Variants in TBX20 observed in about 807,000 individuals in gnomAD.
The protein encoded by TBX20 is T-box transcription factor 20.
Under a neutral mutation model 42.9 loss-of-function variants are expected in TBX20, and 8 were observed. That is an observed-to-expected ratio of 0.19 (90% CI 0.11 to 0.34). TBX20 has a LOEUF of 0.34. TBX20 is among the 10% of genes least tolerant of loss of function. The probability of loss-of-function intolerance (pLI) is 1.00; values close to 1 mark genes in which losing one functional copy is unlikely to be tolerated. For missense variants in TBX20, 411 were observed against 566.0 expected (o/e 0.73, Z 2.78); for synonymous variants, 198 against 222.8 (o/e 0.89, Z 0.99).
At chr7:35,225,395 A>AC (rs1789752608) in intron 6 of TBX20, among the ~76,000 whole-genome samples, 1 of 152,134 alleles carries the variant, frequency 6.6e-6, no homozygotes, top group African/African-American at 2.4e-5. Context: ...TTTTTAAATG[A>AC]TTTTTTTCAT....
chr7:35,212,200 T>C lies in TBX20; in HGVS notation c.891-7618A>G, dbSNP rs578223605. On this transcript the variant is annotated intron_variant, in intron 6 of 7. Coordinates refer to ENST00000408931, the MANE Select transcript of TBX20 (RefSeq NM_001077653.2). The stretch of plus-strand genomic sequence containing the variant: ...AATCTTTTCATCTGCAGTGTCTATC[T>C]GCCACTAATCCCATCCAGTATATTT... 2.6e-5 allele frequency among the ~76,000 whole-genome samples: 4 copies of C among 152,322 alleles called. No individual in the cohort carries two copies. In the East Asian group the frequency reaches 7.7e-4, roughly 29 times the overall value.
intron 4 of TBX20, among the ~76,000 whole-genome samples, chr7:35,243,680 T>C (rs1790124921): frequency 6.7e-6 from 1 of 149,194 alleles, no homozygotes; most frequent in African/African-American, 2.5e-5. Flanking sequence ...AAAAAAAATT[T>C]ATCAGTGGAA....
intron 6 of TBX20, among the ~76,000 whole-genome samples, chr7:35,208,875 C>T (rs1789448022): frequency 2.8e-5 from 4 of 143,038 alleles, no homozygotes; most frequent in South Asian, 2.3e-4. Context: ...TTTGTACATA[C>T]AATTTACTAG....
chr7:35,203,755 T>C (rs1181492991), intron 7 of TBX20, among the ~76,000 whole-genome samples: 1 of 152,182 alleles, frequency 6.6e-6, no homozygotes, highest in African/African-American at 2.4e-5. Flanking sequence ...GTAATACTAG[T>C]GGTTCACTTG....
intron 6 of TBX20, among the ~76,000 whole-genome samples, chr7:35,215,142 G>A (rs1789562567): frequency 1.3e-5 from 2 of 152,258 alleles, no homozygotes; most frequent in African/African-American, 4.8e-5. Flanking sequence ...TATTCATTTT[G>A]CCCTTGCTAG....
chr7:35,234,124 T>TA (rs1286190398), intron 5 of TBX20, among the ~76,000 whole-genome samples: 1 of 152,228 alleles, frequency 6.6e-6, no homozygotes, highest in Non-Finnish European at 1.5e-5. Context: ...ATATATCTGA[T>TA]AAAAAATTCA....
intron 6 of TBX20, among the ~76,000 whole-genome samples, chr7:35,210,447 G>C (rs1206741634): frequency 6.6e-6 from 1 of 152,030 alleles, no homozygotes; most frequent in Non-Finnish European, 1.5e-5. Context: ...AACATCAATT[G>C]GGTCAAGTTA....
chr7:35,211,955 G>T (rs1789504126), intron 6 of TBX20, among the ~76,000 whole-genome samples: 1 of 151,990 alleles, frequency 6.6e-6, no homozygotes, highest in Non-Finnish European at 1.5e-5. Flanking sequence ...TCTTTGGATT[G>T]TGTTTACAAT....
At chr7:35,215,447 GAATTTCTAAAATACTGT>G (rs1789568284) in intron 6 of TBX20, among the ~76,000 whole-genome samples, 1 of 152,142 alleles carries the variant, frequency 6.6e-6, no homozygotes, top group Non-Finnish European at 1.5e-5. Context: ...CCCACTGTGA[GAATTTCTAAAATACTGT>G]ACCCTGAAAA....
In TBX20 at chr7:35,244,937, C is replaced by T; in HGVS notation, c.654+12G>A. 1.3e-6 allele frequency: 2 copies of T among 1,598,242 alleles called. No individual in the cohort carries two copies. The highest frequency in any genetic ancestry group is 1.7e-6 in the Non-Finnish European group (2 of 1,165,616). On this transcript the variant is annotated intron_variant, in intron 4 of 7. Transcript: ENST00000408931. ...CTCAGGGAACCTGCACAGTCCAAGGCATGGTACTTACATGGCCATGTTGAT... is the reference window on the plus strand; with the variant it reads ...CTCAGGGAACCTGCACAGTCCAAGGTATGGTACTTACATGGCCATGTTGAT...
At chr7:35,248,638 A>G in intron 3 of TBX20, 39 bp downstream of exon 3, 7 of 1,607,804 alleles carry the variant, frequency 4.4e-6, no homozygotes, top group Non-Finnish European at 6.0e-6. Flanking sequence ...TGACAGATGC[A>G]CTAACAGTTT....
chr7:35,228,830 T>C (rs1324575484), intron 6 of TBX20, among the ~76,000 whole-genome samples: 1 of 152,170 alleles, frequency 6.6e-6, no homozygotes, highest in Non-Finnish European at 1.5e-5. Context: ...AGTAGGTATA[T>C]TACAAAGCAG....
intron 1 of TBX20, among the ~76,000 whole-genome samples, chr7:35,252,080 T>G (rs1790315782): frequency 6.6e-6 from 1 of 152,152 alleles, no homozygotes; most frequent in Non-Finnish European, 1.5e-5. Flanking sequence ...AAGGAAGCAA[T>G]GTTGAAATGA....
chr7:35,232,868 A>G (rs1380182895), intron 5 of TBX20, among the ~76,000 whole-genome samples: 1 of 152,108 alleles, frequency 6.6e-6, no homozygotes, highest in African/African-American at 2.4e-5. Context: ...ACTAAAAATA[A>G]AAAATTAGCC....
At chr7:35,223,936 A>G (rs1789725789) in intron 6 of TBX20, among the ~76,000 whole-genome samples, 1 of 152,238 alleles carries the variant, frequency 6.6e-6, no homozygotes, top group Non-Finnish European at 1.5e-5. Context: ...ATATTGCTGT[A>G]GTCCTATGGA....
At chr7:35,205,353 T>TA (rs3051595) in intron 6 of TBX20, among the ~76,000 whole-genome samples, 3,002 of 144,612 alleles carry the variant, frequency 0.021, 81 homozygotes, top group African/African-American at 0.069. Flanking sequence ...CTTCTGCTTT[T>TA]AAAAAAAAAA....
intron 6 of TBX20, among the ~76,000 whole-genome samples, chr7:35,222,346 T>C (rs564068060): frequency 6.6e-6 from 1 of 152,184 alleles, no homozygotes; most frequent in South Asian, 2.1e-4. Context: ...ACTTGATAAA[T>C]ATAACAAAAG....
chr7:35,208,985 A>G (rs965648217), intron 6 of TBX20, among the ~76,000 whole-genome samples: 3 of 152,056 alleles, frequency 2.0e-5, no homozygotes, highest in African/African-American at 7.2e-5. Context: ...ACAATCATAT[A>G]GTTTTGTTTT....
At chr7:35,248,303 G>A (rs1438082316) in intron 3 of TBX20, among the ~76,000 whole-genome samples, 2 of 152,116 alleles carry the variant, frequency 1.3e-5, no homozygotes, top group Non-Finnish European at 2.9e-5. Context: ...AGGATTTTAG[G>A]ACAACCATTT....
Sources: allele counts gnomAD v4.1 joint callset (sites outside exome capture counted in the v4.1 genomes callset), GRCh38; gene constraint gnomAD v4.1.1; transcripts MANE v1.5; gene names NCBI Gene and HGNC (gene_info 2026-07-23, HGNC 2026-07-21).